The following NRP1 variants were observed in gnomAD, a reference collection of about 807,000 sequenced individuals.
NRP1 encodes neuropilin-1.
In NRP1, 35 loss-of-function variants were observed where a neutral mutation model predicts 106.7. The observed-to-expected ratio is 0.33, with a 90% CI of 0.25 to 0.43. NRP1 has a LOEUF of 0.43. Ranked by LOEUF, NRP1 falls within the 20% of genes least tolerant of loss-of-function variation. NRP1 has a pLI of 1.00. For missense variants in NRP1, 1,024 were observed against 1,170.4 expected (o/e 0.87, Z 1.83); for synonymous variants, 437 against 417.9 (o/e 1.05, Z -0.56).
intron 6 of NRP1, among the ~76,000 whole-genome samples, chr10:33,248,313 G>C (rs1242547033): frequency 6.6e-6 from 1 of 152,172 alleles, no homozygotes; most frequent in African/African-American, 2.4e-5. Flanking sequence ...TTTTATAAGG[G>C]AAGAGCGCTA....
intron 6 of NRP1, among the ~76,000 whole-genome samples, chr10:33,237,551 TG>T (rs1382520519): frequency 6.6e-6 from 1 of 150,744 alleles, no homozygotes; most frequent in Non-Finnish European, 1.5e-5. Flanking sequence ...TGAAAATATT[TG>T]CTATGATGAA....
At chr10:33,275,974 G>C (rs920854052) in intron 2 of NRP1, among the ~76,000 whole-genome samples, 8 of 152,154 alleles carry the variant, frequency 5.3e-5, no homozygotes, top group African/African-American at 1.4e-4. Context: ...CAGGAAAAAT[G>C]CTTATGATAT....
At position 33,207,648 on chromosome 10, in the gene NRP1, G is replaced by C. The variant is rs2228637; in HGVS notation, c.1683C>G (p.Phe561Leu). The C allele has an allele frequency of 0.012, 18,729 of 1,614,142 alleles. 186 individuals are homozygous for C. Among genetic ancestry groups the C allele is most frequent in the Non-Finnish European group, 0.012 (14,046 of 1,180,018 alleles). Residue 561 changes from phenylalanine to leucine, a missense_variant, in exon 10 of 17, where the codon TTC (phenylalanine) becomes TTG (leucine). Phe to Leu is a conservative substitution (Grantham distance 22). Transcript: ENST00000374867. ...LRTFPALSTR[F>L]IRIYPERATH... ...TGGCTCTCTCGGGGTAGATCCTGAT[G>C]AATCGCGTGGAGAGAGCTGGAAAAG... is the stretch of plus-strand genomic sequence containing the variant.
chr10:33,289,534 T>C (rs1564458682), intron 2 of NRP1, among the ~76,000 whole-genome samples: 2 of 152,188 alleles, frequency 1.3e-5, no homozygotes. Flanking sequence ...TCCCTAGTGG[T>C]GTTATAAATA....
intron 6 of NRP1, among the ~76,000 whole-genome samples, chr10:33,235,061 A>T (rs911473204): frequency 6.6e-6 from 1 of 152,232 alleles, no homozygotes; most frequent in African/African-American, 2.4e-5. Flanking sequence ...GCTCTGTCAC[A>T]TCTGGATTTA....
intron 2 of NRP1, among the ~76,000 whole-genome samples, chr10:33,277,713 C>T (rs1049473124): frequency 6.6e-6 from 1 of 152,054 alleles, no homozygotes; most frequent in African/African-American, 2.4e-5. Flanking sequence ...AAATTGCATG[C>T]TATGGAATAT....
At chr10:33,234,189 T>G (rs541036021) in intron 6 of NRP1, among the ~76,000 whole-genome samples, 65 of 152,306 alleles carry the variant, frequency 4.3e-4, no homozygotes, top group African/African-American at 1.4e-3. Flanking sequence ...GTTAAATTTA[T>G]GTACAGTGTC....
At chr10:33,299,210 C>A (rs1434919025) in intron 2 of NRP1, among the ~76,000 whole-genome samples, 8 of 152,060 alleles carry the variant, frequency 5.3e-5, no homozygotes, top group Non-Finnish European at 1.5e-5. Context: ...AAACCTGCAC[C>A]CCACCCTACA....
At chr10:33,306,919 C>A (rs1242576573) in intron 2 of NRP1, among the ~76,000 whole-genome samples, 1 of 152,156 alleles carries the variant, frequency 6.6e-6, no homozygotes, top group East Asian at 1.9e-4. Context: ...GGGAGTTGGA[C>A]TGAATTTCTC....
intron 2 of NRP1, among the ~76,000 whole-genome samples, chr10:33,311,571 C>G (rs1267021362): frequency 6.6e-6 from 1 of 152,142 alleles, no homozygotes; most frequent in East Asian, 1.9e-4. Flanking sequence ...TCACAGTGAT[C>G]GGCACATACT....
intron 15 of NRP1, among the ~76,000 whole-genome samples, chr10:33,184,084 T>C (rs1419448112): frequency 6.6e-6 from 1 of 152,182 alleles, no homozygotes; most frequent in Non-Finnish European, 1.5e-5. Context: ...TGACCTTGGC[T>C]CACTGCAACT....
chr10:33,300,105 G>A (rs1189639683), intron 2 of NRP1, among the ~76,000 whole-genome samples: 3 of 152,158 alleles, frequency 2.0e-5, no homozygotes, highest in East Asian at 1.9e-4. Context: ...TGTACAACCT[G>A]CTCCTTCTCT....
At chr10:33,253,133 T>A (rs959758467) in intron 6 of NRP1, among the ~76,000 whole-genome samples, 1 of 152,172 alleles carries the variant, frequency 6.6e-6, no homozygotes, top group Non-Finnish European at 1.5e-5. Flanking sequence ...TTTGTATAAT[T>A]TGCCCACAGT....
At chr10:33,230,611 G>C (rs1840041780) in intron 6 of NRP1, among the ~76,000 whole-genome samples, 1 of 147,042 alleles carries the variant, frequency 6.8e-6, no homozygotes, top group Non-Finnish European at 1.5e-5. Flanking sequence ...GTGTGTGTGT[G>C]TGTGTGTGTG....
At chr10:33,196,550 G>T (rs2247015) in intron 12 of NRP1, among the ~76,000 whole-genome samples, 69,848 of 151,968 alleles carry the variant, frequency 0.46, 16,332 homozygotes, top group East Asian at 0.74. Flanking sequence ...TGTGTAGGAC[G>T]ACACCATTTT....
intron 12 of NRP1, 131 bp downstream of exon 12, chr10:33,197,519 C>T (rs1033573748): frequency 1.8e-6 from 1 of 557,072 alleles, no homozygotes; most frequent in Middle Eastern, 3.3e-4. Context: ...ATTTATGGCT[C>T]ATGCTTGGAG....
intron 2 of NRP1, among the ~76,000 whole-genome samples, chr10:33,306,390 G>A (rs962014832): frequency 2.6e-5 from 4 of 151,344 alleles, no homozygotes; most frequent in Non-Finnish European, 4.4e-5. Context: ...GTGTGTGCAC[G>A]CTCCTGCATC....
At chr10:33,209,652 T>C (rs1218214589) in intron 9 of NRP1, among the ~76,000 whole-genome samples, 3 of 152,094 alleles carry the variant, frequency 2.0e-5, no homozygotes. Flanking sequence ...GATTTTTGCA[T>C]TTTCAGTAGA....
chr10:33,321,829 G>A lies in NRP1; in HGVS notation c.248+8879C>T, dbSNP rs113993280. 4.7e-3 allele frequency among the ~76,000 whole-genome samples: 723 copies of A among 152,234 alleles called. 6 individuals carry two copies. Among genetic ancestry groups the A allele is most frequent in the African/African-American group, 0.017 (690 of 41,520 alleles). On this transcript the variant is annotated intron_variant, in intron 2 of 16. Transcript: ENST00000374867. ...GACAGTTAGCATCCTCTTTCAGCCCGGGACTGGAAGCTCTCTCCGTGACAT... is the reference window on the plus strand; with the variant it reads ...GACAGTTAGCATCCTCTTTCAGCCCAGGACTGGAAGCTCTCTCCGTGACAT...
Sources: gnomAD v4.1 joint callset for allele counts (sites outside exome capture counted in the v4.1 genomes callset) on GRCh38, gnomAD v4.1.1 for gene constraint, MANE v1.5 for transcripts, NCBI Gene and HGNC (gene_info 2026-07-23, HGNC 2026-07-21) for gene names.